Variants in TSPAN18 observed in about 807,000 individuals in gnomAD.
The protein encoded by TSPAN18 is tetraspanin 18.
In TSPAN18, 14 loss-of-function variants were observed where a neutral mutation model predicts 27.3. The ratio of observed to expected loss-of-function variants is 0.51; its 90% CI spans 0.34 to 0.80. The LOEUF is 0.80. TSPAN18 is among the 30% of genes least tolerant of loss of function. TSPAN18 has a pLI of 0.01. For synonymous variants in TSPAN18, 143 were observed against 136.5 expected, an observed-to-expected ratio of 1.05 and a Z score of -0.33; for missense variants, 268 against 323.9, an observed-to-expected ratio of 0.83 and a Z score of 1.32.
At chr11:44,773,973 G>A (rs1381096327) in intron 2 of TSPAN18, among the ~76,000 whole-genome samples, 3 of 152,160 alleles carry the variant, frequency 2.0e-5, no homozygotes, top group African/African-American at 4.8e-5. Flanking sequence ...TCCCGGTCCT[G>A]TGCTCCTCAG....
chr11:44,856,353 GCTTGGCTCATGGT>G (rs1047724918), intron 2 of TSPAN18, among the ~76,000 whole-genome samples: 12 of 152,244 alleles, frequency 7.9e-5, no homozygotes, highest in Admixed American at 6.5e-4. Context: ...CAACAGGCGG[GCTTGGCTCATGGT>G]CTTGGCTCAT....
At chr11:44,768,209 A>G (rs111780149) in intron 2 of TSPAN18, among the ~76,000 whole-genome samples, 52 of 152,332 alleles carry the variant, frequency 3.4e-4, no homozygotes, top group African/African-American at 1.2e-3. Context: ...ACATCTTGAC[A>G]TTATTGAGTC....
chr11:44,785,054 T>C (rs2134963132), intron 2 of TSPAN18, among the ~76,000 whole-genome samples: 1 of 152,350 alleles, frequency 6.6e-6, no homozygotes, highest in South Asian at 2.1e-4. Context: ...AGCGTGGTTC[T>C]AAATCTGGGC....
intron 7 of TSPAN18, among the ~76,000 whole-genome samples, 176 bp downstream of exon 7, chr11:44,919,488 A>G (rs1176155763): frequency 6.6e-6 from 1 of 152,100 alleles, no homozygotes; most frequent in African/African-American, 2.4e-5. Flanking sequence ...CACAGTCCCT[A>G]CTCGGGATGA....
chr11:44,745,136 G>A (rs544943897), intron 1 of TSPAN18, among the ~76,000 whole-genome samples: 3 of 152,292 alleles, frequency 2.0e-5, no homozygotes, highest in South Asian at 2.1e-4. Context: ...TATGGGGCTG[G>A]ATTTCAAAAT....
chr11:44,764,842 C>T (rs1855530815), intron 2 of TSPAN18, among the ~76,000 whole-genome samples: 1 of 152,122 alleles, frequency 6.6e-6, no homozygotes, highest in Non-Finnish European at 1.5e-5. Context: ...ATCAAGGACC[C>T]CTCCCTGACC....
chr11:44,876,411 C>A (rs559784216), intron 3 of TSPAN18, among the ~76,000 whole-genome samples: 1 of 152,202 alleles, frequency 6.6e-6, no homozygotes, highest in Non-Finnish European at 1.5e-5. Flanking sequence ...TGAGGAGATC[C>A]CTGTCCCTCT....
At chr11:44,859,190 C>T (rs1055053025) in intron 2 of TSPAN18, among the ~76,000 whole-genome samples, 9 of 152,084 alleles carry the variant, frequency 5.9e-5, no homozygotes, top group African/African-American at 1.2e-4. Context: ...GAGAAGGGAG[C>T]GAAGGTGGGT....
intron 3 of TSPAN18, among the ~76,000 whole-genome samples, chr11:44,866,364 A>G (rs1858035842): frequency 6.6e-6 from 1 of 152,182 alleles, no homozygotes; most frequent in African/African-American, 2.4e-5. Flanking sequence ...ACCTAGGATC[A>G]CATAGGAGTC....
intron 3 of TSPAN18, among the ~76,000 whole-genome samples, chr11:44,886,857 A>G (rs1426612098): frequency 6.6e-6 from 1 of 152,198 alleles, no homozygotes; most frequent in Non-Finnish European, 1.5e-5. Context: ...CAATATGTGC[A>G]CATAAGTGTG....
intron 2 of TSPAN18, among the ~76,000 whole-genome samples, chr11:44,773,427 CCAAAAAA>C (rs1007382160): frequency 7.4e-5 from 11 of 149,240 alleles, no homozygotes; most frequent in African/African-American, 2.8e-4. Context: ...AAAAAAAAAC[CCAAAAAA>C]CAAAAAACAA....
At chr11:44,736,693 G>A (rs528752678) in intron 1 of TSPAN18, 10 of 152,214 alleles carry the variant, frequency 6.6e-5, no homozygotes, top group Non-Finnish European at 1.3e-4. Flanking sequence ...AGCCTCATCT[G>A]GGTGCAAGGA....
intron 3 of TSPAN18, among the ~76,000 whole-genome samples, chr11:44,874,997 C>T (rs1215430521): frequency 6.6e-6 from 1 of 152,206 alleles, no homozygotes; most frequent in Non-Finnish European, 1.5e-5. Flanking sequence ...AAATTGGGGG[C>T]AGAGGGGGCA....
At chr11:44,914,891 G>T (rs1469302617) in intron 5 of TSPAN18, among the ~76,000 whole-genome samples, 3 of 152,204 alleles carry the variant, frequency 2.0e-5, no homozygotes, top group African/African-American at 7.2e-5. Flanking sequence ...CTTCGGGAAG[G>T]ATGTGCTTCC....
intron 2 of TSPAN18, among the ~76,000 whole-genome samples, chr11:44,778,554 G>C (rs1855866457): frequency 6.6e-6 from 1 of 152,096 alleles, no homozygotes; most frequent in Non-Finnish European, 1.5e-5. Flanking sequence ...ATTTGCAATG[G>C]AGGAAATCTC....
intron 2 of TSPAN18, among the ~76,000 whole-genome samples, chr11:44,765,537 C>G (rs1469219310): frequency 6.6e-6 from 1 of 152,174 alleles, no homozygotes; most frequent in Non-Finnish European, 1.5e-5. Context: ...CTGCACCATC[C>G]CATTCTGTCC....
intron 2 of TSPAN18, among the ~76,000 whole-genome samples, chr11:44,787,861 C>T (rs574339420): frequency 1.2e-4 from 19 of 152,212 alleles, no homozygotes; most frequent in African/African-American, 4.6e-4. Flanking sequence ...TTACTGCTCA[C>T]TTAACTCGCC....
intron 2 of TSPAN18, among the ~76,000 whole-genome samples, chr11:44,795,612 T>A (rs1018530490): frequency 6.6e-6 from 1 of 151,720 alleles, no homozygotes; most frequent in Admixed American, 6.6e-5. Flanking sequence ...CAGGGATGAG[T>A]TCACACCCTC....
chr11:44,729,989 G>A (rs921417673), intron 1 of TSPAN18, among the ~76,000 whole-genome samples: 1 of 152,172 alleles, frequency 6.6e-6, no homozygotes, highest in African/African-American at 2.4e-5. Flanking sequence ...TATGTTGGCT[G>A]AGGAGATTCT....
Sources: gnomAD v4.1 joint callset for allele counts (sites outside exome capture counted in the v4.1 genomes callset) on GRCh38, gnomAD v4.1.1 for gene constraint, MANE v1.5 for transcripts, NCBI Gene and HGNC (gene_info 2026-07-23, HGNC 2026-07-21) for gene names.